TBC1D12: variants seen among roughly 807,000 people sequenced by gnomAD.
TBC1D12 encodes TBC1 domain family member 12, also known as TBC1 domain family, member 12.
Under a neutral mutation model 86.7 loss-of-function variants are expected in TBC1D12, and 56 were observed. The observed-to-expected ratio is 0.65, with a 90% CI of 0.52 to 0.81. The LOEUF (loss-of-function observed/expected upper bound fraction) is 0.81, where lower values mean the gene tolerates loss of function less well. Ranked by LOEUF, TBC1D12 falls within the 30% of genes least tolerant of loss-of-function variation. TBC1D12 has a pLI of 0.00. For synonymous variants in TBC1D12, 421 were observed against 411.7 expected, an observed-to-expected ratio of 1.02 and a Z score of -0.27; for missense variants, 1,023 against 1,038.8, an observed-to-expected ratio of 0.98 and a Z score of 0.21.
Position 94,403,448 on chromosome 10 carries a change from G to T in TBC1D12, c.835G>T (p.Val279Leu). Residue 279 changes from valine to leucine, a missense_variant, in exon 1 of 13, where the codon GTG becomes TTG. Physicochemically the swap from Val to Leu is conservative, Grantham distance 32 (BLOSUM62 1). Around this residue, in one of 2 missense-constraint regions of TBC1D12, gnomAD observed 628 missense variants for 531.1 expected, o/e 1.18. Transcript: ENST00000225235. ...CTTCAACTCTCGCAACACGTTCCAG[G>T]TGAGCCGCGGTCAGAGCGCCCGCGA... ...IHFNSRNTFQ[V>L]SRGQSARDHL... The T allele has an allele frequency of 6.5e-7, 1 of 1,545,902 alleles. No homozygotes were observed.
chr10:94,439,925 A>G (rs942035519), intron 1 of TBC1D12, among the ~76,000 whole-genome samples: 29 of 152,356 alleles, frequency 1.9e-4, no homozygotes, highest in Admixed American at 1.8e-3. Flanking sequence ...CGTATCAAAC[A>G]TTGTTTAAAT....
Position 94,510,955 on chromosome 10 carries a change from A to G in TBC1D12, c.1690-628A>G, listed in dbSNP as rs80286161. Among the ~76,000 whole-genome samples the G allele has an allele frequency of 2.6e-3, 397 of 152,326 alleles. 10 individuals are homozygous for G. The East Asian group carries it at 0.06, about 23-fold the overall frequency. On this transcript the variant is annotated intron_variant, in intron 8 of 12. Transcript: ENST00000225235. ...TTTTTCTGCTGATGGTGTATTACAT[A>G]AAATGAAACAGTGTGTATTCATCAT...
At chr10:94,438,834 T>C (rs1367287622) in intron 1 of TBC1D12, among the ~76,000 whole-genome samples, 2 of 152,022 alleles carry the variant, frequency 1.3e-5, no homozygotes, top group African/African-American at 4.8e-5. Context: ...GACAGAGTCT[T>C]GCTCTGTCTC....
intron 3 of TBC1D12, among the ~76,000 whole-genome samples, 196 bp from the exon 4 acceptor site, chr10:94,493,168 AC>A (rs1446374118): frequency 6.6e-6 from 1 of 152,104 alleles, no homozygotes; most frequent in South Asian, 2.1e-4. Context: ...ACACACACAC[AC>A]ACACACCACA....
intron 2 of TBC1D12, among the ~76,000 whole-genome samples, chr10:94,453,760 G>A (rs1468181321): frequency 6.6e-6 from 1 of 152,052 alleles, no homozygotes; most frequent in Non-Finnish European, 1.5e-5. Flanking sequence ...TTACATTTAG[G>A]TCTGTAAACC....
intron 2 of TBC1D12, among the ~76,000 whole-genome samples, chr10:94,448,288 A>G (rs1203849781): frequency 6.6e-6 from 1 of 152,210 alleles, no homozygotes; most frequent in African/African-American, 2.4e-5. Flanking sequence ...CACTTAGAAC[A>G]TGTTGGGGCT....
intron 3 of TBC1D12, among the ~76,000 whole-genome samples, chr10:94,478,203 A>G (rs1482104804): frequency 6.6e-6 from 1 of 152,146 alleles, no homozygotes; most frequent in Non-Finnish European, 1.5e-5. Flanking sequence ...TTGAGGTTAC[A>G]GTGAGCTCTG....
At position 94,507,146 on chromosome 10, in the gene TBC1D12, T is replaced by C; in HGVS notation, c.1520-121T>C. Reference sequence around the variant, plus strand: ...GAATCAAGTACTTAGATTTGCCACTTTTTTGATGCTTGCTACATCAGAGAG... The same window carrying C: ...GAATCAAGTACTTAGATTTGCCACTCTTTTGATGCTTGCTACATCAGAGAG... On this transcript the variant is annotated intron_variant, in intron 6 of 12. Transcript: ENST00000225235. 3.2e-6 allele frequency: 3 copies of C among 924,342 alleles called. No individual in the cohort carries two copies. The South Asian group carries it at 4.8e-5, about 15-fold the overall frequency. 57.3% of individuals were successfully genotyped at this position (924,342 alleles called of 1,614,324 possible). A position where few individuals can be genotyped will look rare whatever the true frequency, so the allele number is the denominator to read the frequency against.
At chr10:94,430,512 A>T (rs1207964943) in intron 1 of TBC1D12, among the ~76,000 whole-genome samples, 1 of 152,232 alleles carries the variant, frequency 6.6e-6, no homozygotes, top group Non-Finnish European at 1.5e-5. Context: ...TGATATCAAT[A>T]AATTTTGCCC....
rs545322888 is a variant in TBC1D12, at chr10:94,492,484, A to G, written c.1212-881A>G. 6.6e-5 allele frequency among the ~76,000 whole-genome samples: 10 copies of G among 152,364 alleles called. No homozygotes were observed. The South Asian group carries it at 1.2e-3, about 19-fold the overall frequency. On this transcript the variant is annotated intron_variant, in intron 3 of 12. Coordinates refer to ENST00000225235, the MANE Select transcript of TBC1D12 (RefSeq NM_015188.2). ...ACAAAAACTTGATGTTAATTTTTAC[A>G]GTAGTTTTATTAATAATGGCCTCAA... is the stretch of plus-strand genomic sequence containing the variant.
At chr10:94,499,570 T>C (rs74622133) in intron 5 of TBC1D12, among the ~76,000 whole-genome samples, 1 of 152,362 alleles carries the variant, frequency 6.6e-6, no homozygotes, top group African/African-American at 2.4e-5. Flanking sequence ...GGATATCTTC[T>C]GCAATGCCTA....
In TBC1D12 at chr10:94,457,921, T is replaced by C. The variant is rs544789992; in HGVS notation, c.1095+15902T>C. On this transcript the variant is annotated intron_variant, in intron 2 of 12. Coordinates refer to ENST00000225235, the MANE Select transcript of TBC1D12 (RefSeq NM_015188.2). ...TTTCATGTGTAATGCAAATACCTTA[T>C]AACAACAAAACATTCCTAATTCCTT... is the stretch of plus-strand genomic sequence containing the variant. Among the ~76,000 whole-genome samples the C allele has an allele frequency of 1.2e-4, 19 of 152,306 alleles. 1 individual carries two copies. In the South Asian group the frequency reaches 3.7e-3, roughly 30 times the overall value.
intron 2 of TBC1D12, among the ~76,000 whole-genome samples, chr10:94,473,360 CAA>C (rs879859281): frequency 2.5e-5 from 2 of 78,540 alleles, no homozygotes; most frequent in Non-Finnish European, 5.3e-5. Flanking sequence ...AACTCCATCT[CAA>C]AAAAAAAAAA....
chr10:94,520,663 T>C (rs1842125263), intron 9 of TBC1D12, among the ~76,000 whole-genome samples: 1 of 151,840 alleles, frequency 6.6e-6, no homozygotes, highest in Admixed American at 6.6e-5. Context: ...TCATTGCAGG[T>C]GTTCTTTTTT....
chr10:94,435,088 A>G (rs2055276096), intron 1 of TBC1D12, among the ~76,000 whole-genome samples: 1 of 152,100 alleles, frequency 6.6e-6, no homozygotes, highest in African/African-American at 2.4e-5. Context: ...CCACAATTAG[A>G]ATTTTCTATT....
chr10:94,511,362 T>C (rs920744915), intron 8 of TBC1D12, among the ~76,000 whole-genome samples: 31 of 152,156 alleles, frequency 2.0e-4, no homozygotes, highest in Non-Finnish European at 1.2e-4. Context: ...CCTCCTAAAG[T>C]GCTGGGATTA....
At chr10:94,442,563 C>T (rs986987925) in intron 2 of TBC1D12, among the ~76,000 whole-genome samples, 2 of 152,144 alleles carry the variant, frequency 1.3e-5, no homozygotes, top group East Asian at 1.9e-4. Context: ...TCTCTGTTAA[C>T]ATCTGTATTC....
Position 94,403,397 on chromosome 10 carries a change from C to G in TBC1D12, c.784C>G (p.Pro262Ala). 6.5e-7 allele frequency: 1 copy of G among 1,546,472 alleles called. No individual in the cohort carries two copies. The highest frequency in any genetic ancestry group is 8.7e-7 in the Non-Finnish European group (1 of 1,146,164). ...CGAGAGGACTAATGGGGGTGCGGAG[C>G]CGCGCCTGGGCTTTTCTGACATTCA... is the stretch of plus-strand genomic sequence containing the variant. ...SAERTNGGAE[P>A]RLGFSDIHFN... Residue 262 changes from proline to alanine, a missense_variant, in exon 1 of 13, where the codon CCG becomes GCG. Coordinates refer to ENST00000225235, the MANE Select transcript of TBC1D12 (RefSeq NM_015188.2).
intron 1 of TBC1D12, among the ~76,000 whole-genome samples, chr10:94,424,940 G>A (rs2134067349): frequency 6.6e-6 from 1 of 152,310 alleles, no homozygotes; most frequent in African/African-American, 2.4e-5. Flanking sequence ...GTATTCAGCT[G>A]TCCCATAGGG....
Sources: allele counts gnomAD v4.1 joint callset (sites outside exome capture counted in the v4.1 genomes callset), GRCh38; gene constraint gnomAD v4.1.1; regional missense constraint gnomAD v4.1.1; transcripts MANE v1.5; gene names NCBI Gene and HGNC (gene_info 2026-07-23, HGNC 2026-07-21).